HACD4: variants seen among roughly 807,000 people sequenced by gnomAD.
The protein encoded by HACD4 is 3-hydroxyacyl-CoA dehydratase 4, also known as very-long-chain (3R)-3-hydroxyacyl-CoA dehydratase 4.
A neutral mutation model predicts 33.3 loss-of-function variants in HACD4; 35 were observed. The ratio of observed to expected loss-of-function variants is 1.05; its 90% confidence interval spans 0.80 to 1.39. The LOEUF is 1.39. Ranked by LOEUF, HACD4 falls within the 40% of genes most tolerant of loss-of-function variation. The pLI is 0.00. For missense variants in HACD4, 323 were observed against 276.5 expected (o/e 1.17, Z -1.19); for synonymous variants, 118 against 98.0 (o/e 1.20, Z -1.21).
chr9:21,010,341 T>A (rs532187960), intron 5 of HACD4, among the ~76,000 whole-genome samples: 4 of 152,204 alleles, frequency 2.6e-5, no homozygotes, highest in African/African-American at 9.6e-5. Context: ...GGTTTATATT[T>A]AGGCTATATA....
rs1026308291 is a variant in HACD4, at chr9:21,007,177, A to G, written c.617-58T>C. Reference sequence around the variant, plus strand: ...AAGGTTAACTATTTCTCTGGAAGAAACAATGCTTTTAAAATACAGTCAGAG... The same window carrying G: ...AAGGTTAACTATTTCTCTGGAAGAAGCAATGCTTTTAAAATACAGTCAGAG... On this transcript the variant is annotated intron_variant, in intron 6 of 6. Coordinates refer to ENST00000495827, the MANE Select transcript of HACD4 (RefSeq NM_001010915.5). 8 of 913,898 alleles carry G rather than the reference A, an allele frequency of 8.8e-6. No individual in the cohort carries two copies. In the African/African-American group the frequency reaches 9.8e-5, roughly 11 times the overall value. The allele number at this position is 913,898 out of a possible 1,614,324, so 56.6% of individuals were successfully genotyped here. A position where few individuals can be genotyped will look rare whatever the true frequency, so the allele number is the denominator to read the frequency against.
intron 3 of HACD4, among the ~76,000 whole-genome samples, chr9:21,025,080 G>T (rs1054822891): frequency 2.0e-5 from 3 of 152,078 alleles, no homozygotes; most frequent in African/African-American, 7.2e-5. Flanking sequence ...CGTTTATTTT[G>T]TAAGGAACTA....
At position 21,031,638 on chromosome 9, in the gene HACD4, G is replaced by T; in HGVS notation, c.-48C>A. 1.5e-6 allele frequency: 2 copies of T among 1,344,808 alleles called. No individual in the cohort carries two copies. The highest frequency in any genetic ancestry group is 3.1e-5 in the African/African-American group (2 of 65,212). The allele number at this position is 1,344,808 out of a possible 1,614,324, so 83.3% of individuals were successfully genotyped here. A position where few individuals can be genotyped will look rare whatever the true frequency, so the allele number is the denominator to read the frequency against. On this transcript the variant is annotated 5_prime_UTR_variant, in exon 1 of 7. Coordinates refer to ENST00000495827, the MANE Select transcript of HACD4 (RefSeq NM_001010915.5). ...CAGCGCGGTCCAGGAAGGAGTACCGGGGAGGAGGCAGGGGCGGCCCCGCGG... is the reference window on the plus strand; with the variant it reads ...CAGCGCGGTCCAGGAAGGAGTACCGTGGAGGAGGCAGGGGCGGCCCCGCGG...
At position 21,015,936 on chromosome 9, in the gene HACD4, A is replaced by T. The variant is rs201259164; in HGVS notation, c.345T>A (p.Cys115Ter). The T allele has an allele frequency of 8.9e-5, 143 of 1,612,982 alleles. 1 individual carries two copies. The highest frequency in any genetic ancestry group is 1.2e-4 in the Non-Finnish European group (139 of 1,179,208). Residue 115 changes from cysteine (C) to a stop codon, truncating the protein, a stop_gained, in exon 4 of 7, where the codon TGT becomes TGA. Coordinates refer to ENST00000495827, the MANE Select transcript of HACD4 (RefSeq NM_001010915.5). LOFTEE classifies it high-confidence loss of function. ...QEEVQEKYVV[C>*]VLFVFWNLLD... ...ATAGATTCCAAAAGACGAATAAAAC[A>T]CACACCACATATTTCTCTTGGACTT...
At chr9:21,030,437 G>C (rs1044416485) in intron 1 of HACD4, among the ~76,000 whole-genome samples, 1 of 151,776 alleles carries the variant, frequency 6.6e-6, no homozygotes, top group Non-Finnish European at 1.5e-5. Flanking sequence ...TCAAAACTCT[G>C]TTCTCAAAAA....
Position 21,000,869 on chromosome 9 carries a change from A to G in HACD4, c.*6168T>C, listed in dbSNP as rs2132757257. Reference sequence around the variant, plus strand: ...CTTTGGGGAAATATTTTGGACATTGAGATTGTATCTATTTGTACTTCTGAA... The same window carrying G: ...CTTTGGGGAAATATTTTGGACATTGGGATTGTATCTATTTGTACTTCTGAA... On this transcript the variant is annotated 3_prime_UTR_variant, in exon 7 of 7. Transcript: ENST00000495827. 6.6e-6 allele frequency: 1 copy of G among 152,226 alleles called. No homozygotes were observed. Among genetic ancestry groups the G allele is most frequent in the East Asian group, 1.9e-4 (1 of 5,182 alleles). The allele number at this position is 152,226 out of a possible 1,614,324, so 9.4% of individuals were successfully genotyped here.
At chr9:21,008,188 G>C (rs745734564) in intron 5 of HACD4, 42 bp from the exon 6 acceptor site, 2 of 1,561,856 alleles carry the variant, frequency 1.3e-6, no homozygotes, top group Non-Finnish European at 1.7e-6. Flanking sequence ...TCCTCCTTAA[G>C]TTGTTACAGG....
chr9:21,027,118 C>T (rs1221728165), intron 2 of HACD4, among the ~76,000 whole-genome samples: 1 of 152,074 alleles, frequency 6.6e-6, no homozygotes, highest in African/African-American at 2.4e-5. Context: ...TCTCCACTGA[C>T]AAGAAAATGA....
Position 21,014,136 on chromosome 9 carries a change from G to A in HACD4, c.383+1762C>T, listed in dbSNP as rs547892302. Among the ~76,000 whole-genome samples, 3 of 152,282 alleles carry A rather than the reference G, an allele frequency of 2.0e-5. No homozygotes were observed. The South Asian group carries it at 6.2e-4, about 32-fold the overall frequency. ...TCATTACTTAGGAAAAATAATGCTA[G>A]GGTAGGGTGGGATGATAAGTTTACC... On this transcript the variant is annotated intron_variant, in intron 4 of 6. Transcript: ENST00000495827.
intron 4 of HACD4, 33 bp downstream of exon 4, chr9:21,015,865 G>T: frequency 1.4e-6 from 2 of 1,397,996 alleles, no homozygotes; most frequent in Non-Finnish European, 1.0e-6. Context: ...AAGCAATTTA[G>T]CCTTGTTTTA....
rs55992749 is a variant in HACD4, at chr9:21,004,245, G to A, written c.*2792C>T. 0.18 allele frequency: 27,381 copies of A among 152,108 alleles called. 2,656 individuals are homozygous for A. Among genetic ancestry groups the A allele is most frequent in the African/African-American group, 0.24 (9,980 of 41,464 alleles). 9.4% of individuals were successfully genotyped at this position (152,108 alleles called of 1,614,324 possible). Reference sequence around the variant, plus strand: ...TGGTCTTGAACTCCTGACCTCAACTGATCTGCCCACCTCAGCCTCTCATAG... The same window carrying A: ...TGGTCTTGAACTCCTGACCTCAACTAATCTGCCCACCTCAGCCTCTCATAG... On this transcript the variant is annotated 3_prime_UTR_variant, in exon 7 of 7. Coordinates refer to ENST00000495827, the MANE Select transcript of HACD4 (RefSeq NM_001010915.5). The surrounding 1 kb of genome is among the most constrained non-coding windows in gnomAD (Gnocchi z 4.6).
chr9:21,021,143 A>G (rs570602589), intron 3 of HACD4, among the ~76,000 whole-genome samples: 69 of 152,336 alleles, frequency 4.5e-4, no homozygotes, highest in Non-Finnish European at 8.1e-4. Context: ...GATTATCTCA[A>G]TAGATGCAGA....
In HACD4 at chr9:21,021,259, G is replaced by C. The variant is rs546650066; in HGVS notation, c.271-5249C>G. 1.1e-4 allele frequency among the ~76,000 whole-genome samples: 17 copies of C among 152,088 alleles called. No individual in the cohort carries two copies. The South Asian group carries it at 2.3e-3, about 20-fold the overall frequency. ...TAATAAGAGCTATTTATGACAAACC[G>C]ACAGCCAATATCATACTGAATTGGC... On this transcript the variant is annotated intron_variant, in intron 3 of 6. Coordinates refer to ENST00000495827, the MANE Select transcript of HACD4 (RefSeq NM_001010915.5).
In HACD4 at chr9:21,003,920, CTGTA is replaced by C. The variant is rs966001195; in HGVS notation, c.*3113_*3116del. Reference sequence around the variant, plus strand: ...GTATATTTTTATACCTTTTATCTTCCTGTATGTGTGTGTCATTATTTTTAAAATT... The same window carrying C: ...GTATATTTTTATACCTTTTATCTTCCTGTGTGTGTCATTATTTTTAAAATT... On this transcript the variant is annotated 3_prime_UTR_variant, in exon 7 of 7. Transcript: ENST00000495827. The C allele has an allele frequency of 1.3e-5, 2 of 151,968 alleles. No individual in the cohort carries two copies. Among genetic ancestry groups the C allele is most frequent in the African/African-American group, 4.8e-5 (2 of 41,364 alleles). The allele number at this position is 151,968 out of a possible 1,614,324, so 9.4% of individuals were successfully genotyped here.
At chr9:21,017,001 T>A (rs570310957) in intron 3 of HACD4, among the ~76,000 whole-genome samples, 2 of 152,312 alleles carry the variant, frequency 1.3e-5, no homozygotes, top group Admixed American at 1.3e-4. Flanking sequence ...TATATTAATA[T>A]ATCCTGTACA....
At chr9:21,011,513 A>C in intron 5 of HACD4, 76 bp downstream of exon 5, 1 of 858,628 alleles carries the variant, frequency 1.2e-6, no homozygotes, top group Non-Finnish European at 2.0e-6. Flanking sequence ...TAATTTAATC[A>C]TCAAAAAATT....
At chr9:21,010,430 A>G (rs1842384714) in intron 5 of HACD4, among the ~76,000 whole-genome samples, 1 of 145,832 alleles carries the variant, frequency 6.9e-6, no homozygotes. Flanking sequence ...GGAAGGAAGC[A>G]AAGAAACAGA....
chr9:21,026,772 T>A, intron 2 of HACD4, 49 bp from the exon 3 acceptor site: 1 of 1,518,522 alleles, frequency 6.6e-7, no homozygotes, highest in Non-Finnish European at 9.1e-7. Flanking sequence ...AAAACTGGAT[T>A]ATAACCCAAA....
rs993039871 is a variant in HACD4 at position 21,029,793 on chromosome 9, A to C, written c.39-395T>G. Among the ~76,000 whole-genome samples the C allele has an allele frequency of 2.3e-4, 35 of 152,338 alleles. 1 individual carries two copies. Among genetic ancestry groups the C allele is most frequent in the South Asian group, 8.3e-4 (4 of 4,828 alleles). ...CAGTTGGGTGGAATCATCTGGCAACACAGTGCACTGTGGAGTACCGGTTGT... is the reference window on the plus strand; with the variant it reads ...CAGTTGGGTGGAATCATCTGGCAACCCAGTGCACTGTGGAGTACCGGTTGT... On this transcript the variant is annotated intron_variant, in intron 1 of 6. Transcript: ENST00000495827.
Sources: gnomAD v4.1 joint callset for allele counts (sites outside exome capture counted in the v4.1 genomes callset) on GRCh38, gnomAD v4.1.1 for gene constraint, Gnocchi (gnomAD v3.1) non-coding constraint, MANE v1.5 for transcripts, NCBI Gene and HGNC (gene_info 2026-07-23, HGNC 2026-07-21) for gene names.